The following CADPS variants were observed in gnomAD, a reference collection of about 807,000 sequenced individuals.
CADPS encodes calcium dependent secretion activator.
Under a neutral mutation model 167.3 loss-of-function variants are expected in CADPS, and 57 were observed. The ratio of observed to expected loss-of-function variants is 0.34; its 90% CI spans 0.28 to 0.42. The LOEUF (loss-of-function observed/expected upper bound fraction) is 0.42. Ranked by LOEUF, CADPS falls within the 20% of genes least tolerant of loss-of-function variation. The pLI is 1.00. For synonymous variants in CADPS, 676 were observed against 635.3 expected (o/e 1.06, Z -0.96); for missense variants, 1,414 against 1,738.1 (o/e 0.81, Z 3.32).
At chr3:62,716,516 T>C (rs2084662752) in intron 3 of CADPS, among the ~76,000 whole-genome samples, 1 of 152,224 alleles carries the variant, frequency 6.6e-6, no homozygotes, top group Admixed American at 6.5e-5. Flanking sequence ...ATCATTTGCT[T>C]GCTACATGGT....
intron 13 of CADPS, among the ~76,000 whole-genome samples, chr3:62,525,648 A>C (rs1226334060): frequency 6.6e-6 from 1 of 150,620 alleles, no homozygotes; most frequent in African/African-American, 2.5e-5. Context: ...TGTGGGAAAA[A>C]GGGTTGAGAA....
intron 3 of CADPS, among the ~76,000 whole-genome samples, chr3:62,730,519 C>A (rs893698011): frequency 6.6e-5 from 10 of 152,144 alleles, no homozygotes; most frequent in Admixed American, 2.0e-4. Flanking sequence ...GGCAGGTACA[C>A]TGCAGGGACA....
intron 12 of CADPS, among the ~76,000 whole-genome samples, chr3:62,534,100 C>T (rs13084961): frequency 2.0e-5 from 3 of 152,098 alleles, no homozygotes; most frequent in African/African-American, 4.8e-5. Flanking sequence ...TAAGCAGAGC[C>T]TGAAATAAAA....
intron 2 of CADPS, among the ~76,000 whole-genome samples, chr3:62,757,767 A>G (rs1309607230): frequency 6.6e-6 from 1 of 152,166 alleles, no homozygotes; most frequent in African/African-American, 2.4e-5. Flanking sequence ...AAGAGATTTA[A>G]TGGATTCACA....
chr3:62,694,222 A>G (rs1257026231), intron 3 of CADPS, among the ~76,000 whole-genome samples: 1 of 152,122 alleles, frequency 6.6e-6, no homozygotes, highest in East Asian at 1.9e-4. Context: ...ACCTGGTGAA[A>G]ATAACATTAT....
intron 1 of CADPS, among the ~76,000 whole-genome samples, chr3:62,805,713 G>A (rs1476194179): frequency 6.6e-6 from 1 of 152,042 alleles, no homozygotes; most frequent in African/African-American, 2.4e-5. Flanking sequence ...CTGTGTTCAG[G>A]GATGCTGATT....
intron 6 of CADPS, among the ~76,000 whole-genome samples, chr3:62,603,006 A>G (rs1237436728): frequency 6.6e-6 from 1 of 152,218 alleles, no homozygotes; most frequent in South Asian, 2.1e-4. Context: ...TGGAAGTACC[A>G]GGAAGCAGGC....
At chr3:62,582,452 A>T (rs1436060385) in intron 8 of CADPS, among the ~76,000 whole-genome samples, 3 of 152,006 alleles carry the variant, frequency 2.0e-5, no homozygotes, top group African/African-American at 7.3e-5. Flanking sequence ...TCTCAAAAAA[A>T]TTTTTCTTTT....
At chr3:62,808,076 T>C (rs193088830) in intron 1 of CADPS, among the ~76,000 whole-genome samples, 157 of 152,082 alleles carry the variant, frequency 1.0e-3, no homozygotes, top group Admixed American at 8.4e-3. Flanking sequence ...GGTTTCACTA[T>C]GTTGGCCAGA....
chr3:62,841,341 T>A (rs1229110887), intron 1 of CADPS, among the ~76,000 whole-genome samples: 5 of 152,230 alleles, frequency 3.3e-5, no homozygotes, highest in African/African-American at 4.8e-5. Flanking sequence ...ACACAGTGCA[T>A]GGGTATTTTC....
intron 6 of CADPS, among the ~76,000 whole-genome samples, chr3:62,599,865 TATA>T (rs2059675812): frequency 1.0e-4 from 7 of 67,626 alleles, no homozygotes; most frequent in East Asian, 4.0e-4. Flanking sequence ...ATATATAATA[TATA>T]ATAATATATA....
At chr3:62,496,057 GT>G (rs1373855082) in intron 18 of CADPS, among the ~76,000 whole-genome samples, 1 of 148,890 alleles carries the variant, frequency 6.7e-6, no homozygotes, top group Non-Finnish European at 1.5e-5. Context: ...TTAGTCTTTT[GT>G]TTTTCTTTTC....
At chr3:62,700,980 C>A (rs1187747555) in intron 3 of CADPS, among the ~76,000 whole-genome samples, 1 of 152,008 alleles carries the variant, frequency 6.6e-6, no homozygotes, top group Non-Finnish European at 1.5e-5. Flanking sequence ...TGGCCAAGTT[C>A]TTTTATCTTC....
chr3:62,721,139 A>ATTTTTTTTTTTTTTTTTTTTT (rs1268261563), intron 3 of CADPS, among the ~76,000 whole-genome samples: 2 of 112,972 alleles, frequency 1.8e-5, no homozygotes, highest in Non-Finnish European at 3.5e-5. Context: ...TTTTTTAAAA[A>ATTTTTTTTTTTTTTTTTTTTT]AAAAAAGAAG....
At chr3:62,494,605 C>A (rs1156626195) in intron 18 of CADPS, among the ~76,000 whole-genome samples, 2 of 151,796 alleles carry the variant, frequency 1.3e-5, no homozygotes, top group Non-Finnish European at 2.9e-5. Context: ...AACAAAAAAA[C>A]CAAGCTCAAA....
chr3:62,539,159 T>C (rs1228467688), intron 11 of CADPS, among the ~76,000 whole-genome samples: 1 of 152,152 alleles, frequency 6.6e-6, no homozygotes, highest in Admixed American at 6.5e-5. Context: ...GTCTAGATTT[T>C]AGGTTGAGCT....
intron 6 of CADPS, among the ~76,000 whole-genome samples, chr3:62,604,896 G>A (rs181732394): frequency 1.3e-5 from 2 of 152,324 alleles, no homozygotes; most frequent in Non-Finnish European, 2.9e-5. Flanking sequence ...AAGTTATAGG[G>A]AAAGCATTCA....
chr3:62,591,329 T>G (rs1447209829), intron 7 of CADPS, among the ~76,000 whole-genome samples: 7 of 152,304 alleles, frequency 4.6e-5, no homozygotes, highest in African/African-American at 1.7e-4. Flanking sequence ...TAGTAGTATA[T>G]GTGAACAAGG....
rs1439855862 is a variant in CADPS, at chr3:62,420,055, A to G, written c.3778-16870T>C. ...GTTTTCATCATTACTCTCAACATAC[A>G]AAAGCATGGTCTATGTATGTACATA... On this transcript the variant is annotated intron_variant, in intron 28 of 29. Transcript: ENST00000383710. The surrounding 1 kb of genome is among the most constrained non-coding windows in gnomAD (Gnocchi z 4.1). Among the ~76,000 whole-genome samples the G allele has an allele frequency of 1.3e-5, 2 of 152,164 alleles. No homozygotes were observed. The highest frequency in any genetic ancestry group is 2.9e-5 in the Non-Finnish European group (2 of 68,032).
Sources: allele counts gnomAD v4.1 joint callset (sites outside exome capture counted in the v4.1 genomes callset), GRCh38; gene constraint gnomAD v4.1.1; non-coding constraint Gnocchi (gnomAD v3.1); transcripts MANE v1.5; gene names NCBI Gene and HGNC (gene_info 2026-07-23, HGNC 2026-07-21).